ASB15: variants seen among roughly 807,000 people sequenced by gnomAD.
ASB15 encodes the protein ankyrin repeat and SOCS box containing 15, also known as ankyrin repeat and SOCS box protein 15.
A neutral mutation model predicts 58.0 loss-of-function variants in ASB15; 54 were observed. That is an observed-to-expected ratio of 0.93 (90% CI 0.75 to 1.17). ASB15 has a LOEUF of 1.17. Ranked by LOEUF, ASB15 falls within the 50% of genes most tolerant of loss-of-function variation. ASB15 has a pLI of 0.00. For synonymous variants in ASB15, 249 were observed against 262.4 expected (o/e 0.95, Z 0.50); for missense variants, 680 against 707.4 (o/e 0.96, Z 0.44).
At chr7:123,614,771 T>C (rs1057061126) in intron 4 of ASB15, among the ~76,000 whole-genome samples, 162 bp downstream of exon 4, 20 of 152,242 alleles carry the variant, frequency 1.3e-4, no homozygotes, top group Non-Finnish European at 2.8e-4. Context: ...TCATAAGTTT[T>C]AGCAATCTGA....
At chr7:123,568,209 G>T (rs1184731573) in intron 1 of ASB15, among the ~76,000 whole-genome samples, 4 of 152,086 alleles carry the variant, frequency 2.6e-5, no homozygotes, top group African/African-American at 7.2e-5. Flanking sequence ...AAACATAGTT[G>T]TCTCTATTGA....
At chr7:123,614,640 AT>A in intron 4 of ASB15, 31 bp downstream of exon 4, 1 of 1,376,610 alleles carries the variant, frequency 7.3e-7, no homozygotes, top group Non-Finnish European at 1.0e-6. Context: ...CCTCAGCAAA[AT>A]TTCTTTATGG....
chr7:123,617,721 G>A lies in ASB15; in HGVS notation c.435G>A (p.Glu145=). The A allele has an allele frequency of 1.2e-6, 2 of 1,611,756 alleles. No homozygotes were observed. The highest frequency in any genetic ancestry group is 1.7e-6 in the Non-Finnish European group (2 of 1,178,294). ...CCAACACAAAAAATGATAAAGGAGAGACCCCCCTTCTGATTGGTAAATGAC... is the reference window on the plus strand; with the variant it reads ...CCAACACAAAAAATGATAAAGGAGAAACCCCCCTTCTGATTGGTAAATGAC... ...VWPNTKNDKG[E]TPLLIAVKKG... Residue 145 remains glutamate (E), a synonymous_variant, in exon 7 of 12, where the codon GAG becomes GAA. Transcript: ENST00000451215.
intron 11 of ASB15, among the ~76,000 whole-genome samples, chr7:123,635,332 T>C (rs1802361938): frequency 6.6e-6 from 1 of 152,152 alleles, no homozygotes; most frequent in Non-Finnish European, 1.5e-5. Context: ...TATGAAACTA[T>C]ACATGTGTAC....
At chr7:123,577,206 C>T (rs1361723917) in intron 1 of ASB15, among the ~76,000 whole-genome samples, 1 of 151,998 alleles carries the variant, frequency 6.6e-6, no homozygotes, top group Non-Finnish European at 1.5e-5. Context: ...TGATATCTTC[C>T]ATTGTTGAGT....
chr7:123,587,541 C>T (rs535621163), intron 1 of ASB15, among the ~76,000 whole-genome samples: 2 of 151,356 alleles, frequency 1.3e-5, no homozygotes, highest in African/African-American at 4.8e-5. Flanking sequence ...TTATTTCTTT[C>T]TCTTTCCTAA....
intron 1 of ASB15, among the ~76,000 whole-genome samples, chr7:123,593,663 G>C (rs1667461159): frequency 6.6e-6 from 1 of 152,112 alleles, no homozygotes; most frequent in South Asian, 2.1e-4. Flanking sequence ...AGTCTGATGG[G>C]CTTCTCTTTG....
intron 1 of ASB15, among the ~76,000 whole-genome samples, chr7:123,568,641 G>C (rs1562904647): frequency 6.6e-6 from 1 of 152,146 alleles, no homozygotes; most frequent in African/African-American, 2.4e-5. Flanking sequence ...GGGAAATGTT[G>C]CTCCTCATTT....
chr7:123,594,278 T>C (rs1452996248), intron 1 of ASB15, among the ~76,000 whole-genome samples: 1 of 152,154 alleles, frequency 6.6e-6, no homozygotes, highest in African/African-American at 2.4e-5. Flanking sequence ...GGCCTACTTC[T>C]GTCAACTCGT....
At chr7:123,613,462 G>A (rs915539699) in intron 3 of ASB15, among the ~76,000 whole-genome samples, 1 of 152,056 alleles carries the variant, frequency 6.6e-6, no homozygotes, top group African/African-American at 2.4e-5. Context: ...ATAAAATAAA[G>A]CAATTGACTC....
At chr7:123,619,673 GC>G (rs1562932277) in intron 7 of ASB15, among the ~76,000 whole-genome samples, 23 of 152,032 alleles carry the variant, frequency 1.5e-4, no homozygotes, top group African/African-American at 5.6e-4. Flanking sequence ...ACAGGCGCCC[GC>G]CACCACGCCC....
intron 11 of ASB15, among the ~76,000 whole-genome samples, chr7:123,635,147 A>G (rs1227551150): frequency 6.6e-6 from 1 of 152,244 alleles, no homozygotes; most frequent in Non-Finnish European, 1.5e-5. Context: ...GTGCACTTAG[A>G]TGATGAAACT....
chr7:123,608,496 G>A (rs962614092), intron 2 of ASB15, 98 bp from the exon 3 acceptor site: 1 of 152,152 alleles, frequency 6.6e-6, no homozygotes, highest in South Asian at 2.1e-4. Flanking sequence ...GACTAAGATT[G>A]TTTGTGTGTG....
At chr7:123,590,477 C>T (rs1035482757) in intron 1 of ASB15, among the ~76,000 whole-genome samples, 14 of 152,106 alleles carry the variant, frequency 9.2e-5, no homozygotes, top group Non-Finnish European at 1.8e-4. Flanking sequence ...AGTCTTTAAT[C>T]CATCTTGAGT....
Position 123,624,748 on chromosome 7 carries a change from G to A in ASB15, c.631G>A (p.Val211Ile). Residue 211 changes from valine (V) to isoleucine (I), a missense_variant, in exon 8 of 12, where the codon GTC (valine) becomes ATC (isoleucine). Coordinates refer to ENST00000451215, the MANE Select transcript of ASB15 (RefSeq NM_001290258.2). ...GNVHLRDGFG[V>I]TPLGVAAEYG... Reference sequence around the variant, plus strand: ...TGTCCACCTGAGAGATGGATTTGGAGTCACACCACTAGGCGTCGCTGCCGA... The same window carrying A: ...TGTCCACCTGAGAGATGGATTTGGAATCACACCACTAGGCGTCGCTGCCGA... 6.2e-7 allele frequency: 1 copy of A among 1,614,080 alleles called. No homozygotes were observed.
chr7:123,569,744 T>C (rs771478142), intron 1 of ASB15, among the ~76,000 whole-genome samples: 1 of 152,186 alleles, frequency 6.6e-6, no homozygotes, highest in Non-Finnish European at 1.5e-5. Context: ...ATATCTTAAA[T>C]GCATAGTGTA....
chr7:123,624,859 CG>C, intron 8 of ASB15, 45 bp downstream of exon 8: 1 of 1,568,988 alleles, frequency 6.4e-7, no homozygotes, highest in Non-Finnish European at 8.7e-7. Context: ...TCCTGCCTCT[CG>C]AACTCTCCTT....
At chr7:123,622,634 T>C (rs543179468) in intron 7 of ASB15, 1 of 152,326 alleles carries the variant, frequency 6.6e-6, no homozygotes, top group African/African-American at 2.4e-5. Context: ...AAAAAGATTA[T>C]GAGGGAACAG....
chr7:123,605,420 T>C (rs111459785), intron 2 of ASB15, among the ~76,000 whole-genome samples: 1 of 152,154 alleles, frequency 6.6e-6, no homozygotes, highest in Non-Finnish European at 1.5e-5. Flanking sequence ...TCGGCCACTG[T>C]GGAAAACAGT....
Sources: gnomAD v4.1 joint callset for allele counts (sites outside exome capture counted in the v4.1 genomes callset) on GRCh38, gnomAD v4.1.1 for gene constraint, MANE v1.5 for transcripts, NCBI Gene and HGNC (gene_info 2026-07-23, HGNC 2026-07-21) for gene names.